MMP28: variants seen among roughly 807,000 people sequenced by gnomAD.
MMP28 encodes matrix metallopeptidase 28, also known as matrix metalloproteinase-28.
Under a neutral mutation model 60.5 loss-of-function variants are expected in MMP28, and 55 were observed. The ratio of observed to expected loss-of-function variants is 0.91; its 90% CI spans 0.73 to 1.14. MMP28 has a LOEUF of 1.14. Among genes scored for constraint, MMP28 ranks in the 50% most tolerant of loss-of-function variants. MMP28 has a pLI of 0.00. For synonymous variants in MMP28, 318 were observed against 312.5 expected (o/e 1.02, Z -0.18); for missense variants, 686 against 738.3 (o/e 0.93, Z 0.82).
At chr17:35,768,916 T>C (rs909543547) in intron 5 of MMP28, among the ~76,000 whole-genome samples, 11 of 152,148 alleles carry the variant, frequency 7.2e-5, no homozygotes, top group Non-Finnish European at 1.5e-4. Flanking sequence ...CCTCCTGAGA[T>C]AAAATTGGAG....
At chr17:35,791,272 T>G (rs533729296) in intron 1 of MMP28, among the ~76,000 whole-genome samples, 1 of 151,910 alleles carries the variant, frequency 6.6e-6, no homozygotes, top group Admixed American at 6.5e-5. Flanking sequence ...ATAGTAGAAT[T>G]CCAGCCTTAA....
chr17:35,782,345 G>A (rs2086531319), intron 1 of MMP28, among the ~76,000 whole-genome samples: 3 of 152,174 alleles, frequency 2.0e-5, no homozygotes, highest in Admixed American at 6.5e-5. Context: ...GTGAGCCACC[G>A]CGCCCAGCCA....
chr17:35,779,419 C>T, intron 1 of MMP28, 96 bp from the exon 2 acceptor site: 1 of 1,019,604 alleles, frequency 9.8e-7, no homozygotes, highest in Non-Finnish European at 1.5e-6. Flanking sequence ...CCAGTCTCAC[C>T]TCTTGTCTTT....
intron 1 of MMP28, among the ~76,000 whole-genome samples, chr17:35,785,017 C>T (rs2086608526): frequency 2.0e-5 from 3 of 152,146 alleles, no homozygotes; most frequent in Admixed American, 2.0e-4. Flanking sequence ...TGCCTTACCC[C>T]CTTGGTTAGG....
chr17:35,762,848 A>G (rs148778797), downstream of MMP28, among the ~76,000 whole-genome samples: 2,768 of 152,144 alleles, frequency 0.018, 27 homozygotes, highest in Non-Finnish European at 0.029. Flanking sequence ...ATCAGTGGCC[A>G]GGCGCGGTGG....
chr17:35,756,452 C>T, intron 2 of MMP28: 5 of 980,552 alleles, frequency 5.1e-6, no homozygotes, highest in Non-Finnish European at 6.1e-6. Flanking sequence ...GGACGGAATG[C>T]ACCAAGTTCC....
intron 1 of MMP28, 126 bp from the exon 2 acceptor site, chr17:35,779,449 G>C (rs544822153): frequency 1.4e-6 from 1 of 716,906 alleles, no homozygotes; most frequent in South Asian, 1.8e-5. Flanking sequence ...GGGTCTATAA[G>C]CTATAGCAGA....
Position 35,792,638 on chromosome 17 carries a change from A to G in MMP28, c.111+2629T>C, listed in dbSNP as rs764249255. ...CTAAAATACTCTCTTTAGGAATTGCAGCTCTGTGCTGTCTGTTGTCCAATG... is the reference window on the plus strand; with the variant it reads ...CTAAAATACTCTCTTTAGGAATTGCGGCTCTGTGCTGTCTGTTGTCCAATG... On this transcript the variant is annotated intron_variant, in intron 1 of 7. Coordinates refer to ENST00000605424, the MANE Select transcript of MMP28 (RefSeq NM_024302.5). 3.9e-5 allele frequency among the ~76,000 whole-genome samples: 6 copies of G among 152,228 alleles called. No homozygotes were observed. In the East Asian group the frequency reaches 9.6e-4, roughly 24 times the overall value.
downstream of MMP28, among the ~76,000 whole-genome samples, chr17:35,763,412 C>T (rs1436547542): frequency 6.6e-6 from 1 of 150,944 alleles, no homozygotes; most frequent in Non-Finnish European, 1.5e-5. Context: ...GTAGCTGGGA[C>T]CACAGGTGTA....
At chr17:35,772,704 T>A (rs2086194719) in intron 4 of MMP28, among the ~76,000 whole-genome samples, 2 of 152,232 alleles carry the variant, frequency 1.3e-5, no homozygotes, top group African/African-American at 4.8e-5. Context: ...CAGAACTATC[T>A]GTGGCGTAGG....
intron 1 of MMP28, among the ~76,000 whole-genome samples, chr17:35,786,860 A>C (rs1398691662): frequency 1.3e-5 from 2 of 152,226 alleles, no homozygotes; most frequent in South Asian, 4.1e-4. Flanking sequence ...TCTTGCAAGA[A>C]TATAGACAGG....
chr17:35,764,687 C>T (rs1382955331), downstream of MMP28: 39 of 1,468,370 alleles, frequency 2.7e-5, no homozygotes, highest in Non-Finnish European at 3.3e-5. Context: ...GACCTTCTCT[C>T]TTGGAGCGCG....
In MMP28 at chr17:35,765,937, G is replaced by A; in HGVS notation, c.*563C>T. Reference sequence around the variant, plus strand: ...CCAGACAAAAAGCCAGGGACTGGTAGGCCTGCATCAGTCTCCCTCCCACTC... The same window carrying A: ...CCAGACAAAAAGCCAGGGACTGGTAAGCCTGCATCAGTCTCCCTCCCACTC... On this transcript the variant is annotated 3_prime_UTR_variant, in exon 8 of 8. Coordinates refer to ENST00000605424, the MANE Select transcript of MMP28 (RefSeq NM_024302.5). 2.0e-6 allele frequency: 2 copies of A among 985,424 alleles called. No homozygotes were observed. The highest frequency in any genetic ancestry group is 2.4e-6 in the Non-Finnish European group (2 of 829,940). The allele number at this position is 985,424 out of a possible 1,614,324, so 61.0% of individuals were successfully genotyped here.
Position 35,777,440 on chromosome 17 carries a change from T to C in MMP28, c.379+1448A>G, listed in dbSNP as rs529961951. 8.5e-4 allele frequency among the ~76,000 whole-genome samples: 129 copies of C among 152,206 alleles called. 3 individuals are homozygous for C. The South Asian group carries it at 0.026, about 31-fold the overall frequency. On this transcript the variant is annotated intron_variant, in intron 3 of 7. Transcript: ENST00000605424. ...TGAGGACCCAGAGTGGCTGGGCATA[T>C]AGGTGAAGCAGAATTGGTTTGGCAA... is the stretch of plus-strand genomic sequence containing the variant.
intron 4 of MMP28, among the ~76,000 whole-genome samples, chr17:35,771,745 ATATATAT>A (rs2086160096): frequency 1.2e-5 from 1 of 84,850 alleles, no homozygotes; most frequent in African/African-American, 4.8e-5. Flanking sequence ...ATATATATAT[ATATATAT>A]ATAAAATTGT....
downstream of MMP28, among the ~76,000 whole-genome samples, chr17:35,762,010 G>A (rs1254147113): frequency 6.6e-6 from 1 of 151,784 alleles, no homozygotes; most frequent in African/African-American, 2.4e-5. Flanking sequence ...CTTTTTTTGA[G>A]ACGGAGTTTT....
rs756554998 is a variant in MMP28, at chr17:35,770,117, C to T, written c.800G>A (p.Arg267His). The T allele has an allele frequency of 1.2e-6, 2 of 1,605,284 alleles. No individual in the cohort carries two copies. Among genetic ancestry groups the T allele is most frequent in the Non-Finnish European group, 1.7e-6 (2 of 1,176,608 alleles). The change falls in exon 5 of 8, where the codon CGC (arginine) becomes CAC (histidine). Residue 267 changes from arginine (R) to histidine (H), a missense_variant. By Grantham distance (29) the Arg-to-His change is conservative (BLOSUM62 0). Coordinates refer to ENST00000605424, the MANE Select transcript of MMP28 (RefSeq NM_024302.5). ...LMAPYYKRLG[R>H]DALLSWDDVL... ...GTCGTCCCAGCTGAGCAGCGCGTCGCGGCCCAGCCTCTTGTAGTAGGGCGC... is the reference window on the plus strand; with the variant it reads ...GTCGTCCCAGCTGAGCAGCGCGTCGTGGCCCAGCCTCTTGTAGTAGGGCGC...
intron 1 of MMP28, among the ~76,000 whole-genome samples, chr17:35,782,019 A>T (rs72829950): frequency 0.016 from 2,390 of 149,572 alleles, 25 homozygotes; most frequent in East Asian, 0.035. Context: ...CAGGTGCTGC[A>T]TGCCACCTTG....
chr17:35,782,655 A>T (rs1000431161), intron 1 of MMP28, among the ~76,000 whole-genome samples: 1 of 151,968 alleles, frequency 6.6e-6, no homozygotes, highest in Non-Finnish European at 1.5e-5. Context: ...CCCTTTGCAA[A>T]TGTACACTAT....
Sources: allele counts gnomAD v4.1 joint callset (sites outside exome capture counted in the v4.1 genomes callset), GRCh38; gene constraint gnomAD v4.1.1; transcripts MANE v1.5; gene names NCBI Gene and HGNC (gene_info 2026-07-23, HGNC 2026-07-21).